The following NOX4 variants were observed in gnomAD, a reference collection of about 807,000 sequenced individuals.
NOX4 encodes NADPH oxidase 4.
A neutral mutation model predicts 87.6 loss-of-function variants in NOX4; 69 were observed. That is an observed-to-expected ratio of 0.79 (90% confidence interval 0.65 to 0.96). The LOEUF (loss-of-function observed/expected upper bound fraction) is 0.96. Ranked by LOEUF, NOX4 falls within the 40% of genes least tolerant of loss-of-function variation. The probability of loss-of-function intolerance (pLI) is 0.00; values close to 1 mark genes in which losing one functional copy is unlikely to be tolerated. For synonymous variants in NOX4, 275 were observed against 238.2 expected, an observed-to-expected ratio of 1.15 and a Z score of -1.42; for missense variants, 680 against 681.5, an observed-to-expected ratio of 1.00 and a Z score of 0.02.
chr11:89,505,116 A>G, the NOX4 span, among the ~76,000 whole-genome samples: 2 of 151,976 alleles, frequency 1.3e-5, no homozygotes, highest in South Asian at 4.1e-4. Flanking sequence ...CAGAGGAAGG[A>G]CTATTTTCCC....
At chr11:89,358,386 C>CAAAAAAAAAAAAAAAAAAAGAAAAAAA (rs1938242805) in intron 12 of NOX4, among the ~76,000 whole-genome samples, 1 of 78,190 alleles carries the variant, frequency 1.3e-5, no homozygotes, top group Non-Finnish European at 2.6e-5. Context: ...AACTTAATCT[C>CAAAAAAAAAAAAAAAAAAAGAAAAAAA]AAAAAAAAAA....
At chr11:89,329,356 G>GAAAAAAAAAAAAAAAAAAAAAAAAA (rs377055666) in intron 17 of NOX4, among the ~76,000 whole-genome samples, 2 of 34,708 alleles carry the variant, frequency 5.8e-5, no homozygotes, top group Non-Finnish European at 1.1e-4. Flanking sequence ...GAAAAAAACT[G>GAAAAAAAAAAAAAAAAAAAAAAAAA]AAAAAAAAAA....
intron 2 of NOX4, among the ~76,000 whole-genome samples, chr11:89,466,141 C>T (rs1945682972): frequency 6.6e-6 from 1 of 152,124 alleles, no homozygotes; most frequent in South Asian, 2.1e-4. Flanking sequence ...TCCCAAGCAA[C>T]AGAAAAATGT....
At chr11:89,361,408 G>A (rs1004522242) in intron 12 of NOX4, among the ~76,000 whole-genome samples, 1 of 151,996 alleles carries the variant, frequency 6.6e-6, no homozygotes, top group Admixed American at 6.6e-5. Flanking sequence ...AACCTTTGAG[G>A]ACTCAAAGAC....
chr11:89,386,400 G>A (rs200144892), intron 11 of NOX4, among the ~76,000 whole-genome samples: 7 of 152,160 alleles, frequency 4.6e-5, no homozygotes, highest in East Asian at 3.9e-4. Context: ...ACCTCAAACT[G>A]CCACCCTTAA....
intron 7 of NOX4, among the ~76,000 whole-genome samples, chr11:89,426,933 G>C (rs945521612): frequency 6.6e-6 from 1 of 152,172 alleles, no homozygotes; most frequent in Admixed American, 6.5e-5. Flanking sequence ...CCTCAAGTAG[G>C]TCCCTGACCC....
chr11:89,416,347 C>T (rs1942770600), intron 8 of NOX4, among the ~76,000 whole-genome samples: 1 of 152,114 alleles, frequency 6.6e-6, no homozygotes, highest in Admixed American at 6.6e-5. Flanking sequence ...CTAAGAGGAG[C>T]AAGTGCCTCC....
At chr11:89,327,209 A>G (rs544195216) in intron 17 of NOX4, among the ~76,000 whole-genome samples, 1 of 152,268 alleles carries the variant, frequency 6.6e-6, no homozygotes, top group East Asian at 1.9e-4. Context: ...AAGAGCAGCA[A>G]TTGATAGATG....
At chr11:89,572,527 TTTTGTTTG>T in the NOX4 span, among the ~76,000 whole-genome samples, 2 of 151,914 alleles carry the variant, frequency 1.3e-5, no homozygotes, top group African/African-American at 2.4e-5. Flanking sequence ...TTATATGTTT[TTTTGTTTG>T]TTTGTTTGTT....
chr11:89,584,272 A>G, the NOX4 span, among the ~76,000 whole-genome samples: 5 of 152,122 alleles, frequency 3.3e-5, no homozygotes, highest in African/African-American at 4.8e-5. Flanking sequence ...GAGTCTTTAT[A>G]TATCACCGAA....
At chr11:89,466,475 G>A (rs1174094123) in intron 2 of NOX4, among the ~76,000 whole-genome samples, 1 of 152,142 alleles carries the variant, frequency 6.6e-6, no homozygotes, top group Non-Finnish European at 1.5e-5. Context: ...AGTATATAGA[G>A]TTAACTTATT....
intron 6 of NOX4, among the ~76,000 whole-genome samples, chr11:89,438,980 ATAT>A (rs1308323248): frequency 2.9e-5 from 3 of 103,762 alleles, no homozygotes; most frequent in Admixed American, 1.6e-4. Flanking sequence ...ATATAATTAT[ATAT>A]TATATTATTA....
chr11:89,532,104 G>A, the NOX4 span, among the ~76,000 whole-genome samples: 1 of 152,222 alleles, frequency 6.6e-6, no homozygotes, highest in African/African-American at 2.4e-5. Context: ...AATGCAGAGT[G>A]GAAATGTGGG....
At chr11:89,369,656 T>G (rs1489666956) in intron 12 of NOX4, among the ~76,000 whole-genome samples, 2 of 152,112 alleles carry the variant, frequency 1.3e-5, no homozygotes, top group Admixed American at 1.3e-4. Flanking sequence ...TAATGAATAT[T>G]TGTTATAAGC....
At chr11:89,465,816 A>G (rs566888350) in intron 2 of NOX4, among the ~76,000 whole-genome samples, 10 of 149,468 alleles carry the variant, frequency 6.7e-5, no homozygotes, top group African/African-American at 1.8e-4. Context: ...TGCTCACTTT[A>G]TGATGGGGTT....
chr11:89,453,117 T>C (rs1454123041), intron 2 of NOX4, among the ~76,000 whole-genome samples: 1 of 152,176 alleles, frequency 6.6e-6, no homozygotes, highest in East Asian at 1.9e-4. Context: ...TTATTAACTA[T>C]AGTCACCCTG....
chr11:89,335,222 A>G (rs1945650257), intron 17 of NOX4, among the ~76,000 whole-genome samples: 1 of 151,774 alleles, frequency 6.6e-6, no homozygotes. Flanking sequence ...TAAATTTACA[A>G]AAGACAAATG....
the NOX4 span, among the ~76,000 whole-genome samples, chr11:89,587,326 A>G: frequency 6.6e-6 from 1 of 152,212 alleles, no homozygotes; most frequent in Non-Finnish European, 1.5e-5. Flanking sequence ...AAGGAGATGG[A>G]AAACATTTTT....
At chr11:89,536,996 C>G in the NOX4 span, among the ~76,000 whole-genome samples, 1 of 152,166 alleles carries the variant, frequency 6.6e-6, no homozygotes, top group Non-Finnish European at 1.5e-5. Flanking sequence ...TACATCTGAA[C>G]TACACAAATG....
Sources: gnomAD v4.1 joint callset for allele counts (sites outside exome capture counted in the v4.1 genomes callset) on GRCh38, gnomAD v4.1.1 for gene constraint, MANE v1.5 for transcripts, NCBI Gene and HGNC (gene_info 2026-07-23, HGNC 2026-07-21) for gene names.